Variants in PLCE1 observed in about 807,000 individuals in gnomAD.
The protein encoded by PLCE1 is phospholipase C epsilon 1.
PLCE1 carries 119 observed loss-of-function variants against 242.8 expected under a neutral mutation model. The observed-to-expected ratio is 0.49, with a 90% confidence interval of 0.42 to 0.57. The LOEUF is 0.57. Ranked by LOEUF, PLCE1 falls within the 20% of genes least tolerant of loss-of-function variation. PLCE1 has a pLI of 0.00. For synonymous variants in PLCE1, 945 were observed against 1,017.4 expected (o/e 0.93, Z 1.35); for missense variants, 2,441 against 2,788.8 (o/e 0.88, Z 2.81).
chr10:94,222,845 C>G (rs955992047), intron 4 of PLCE1, among the ~76,000 whole-genome samples: 8 of 152,158 alleles, frequency 5.3e-5, no homozygotes, highest in African/African-American at 1.9e-4. Context: ...GATAAACAGC[C>G]CTTGCAGACC....
rs180804787 is a variant in PLCE1, at chr10:94,021,037, G to A, written c.-364-9646G>A. On this transcript the variant is annotated intron_variant, in intron 1 of 32. Transcript: ENST00000371380. ...GTAGAGATGGGGTTTCACTATGTTG[G>A]CCAGGCTGGTCTTGAACTCCTGGCC... Among the ~76,000 whole-genome samples the A allele has an allele frequency of 1.4e-3, 218 of 152,048 alleles. 1 individual carries two copies. Among genetic ancestry groups the A allele is most frequent in the African/African-American group, 5.1e-3 (210 of 41,482 alleles).
chr10:94,018,528 A>C (rs2061321522), intron 1 of PLCE1, among the ~76,000 whole-genome samples: 2 of 152,170 alleles, frequency 1.3e-5, no homozygotes, highest in South Asian at 4.1e-4. Context: ...TCTACAGACT[A>C]TGACATTCTC....
At chr10:94,161,249 C>G (rs1286252796) in intron 3 of PLCE1, among the ~76,000 whole-genome samples, 1 of 152,158 alleles carries the variant, frequency 6.6e-6, no homozygotes, top group Non-Finnish European at 1.5e-5. Context: ...TTACCTTGGG[C>G]AGTATGGCCA....
At position 94,032,197 on chromosome 10, in the gene PLCE1, C is replaced by T. The variant is rs1394676351; in HGVS notation, c.1151C>T (p.Thr384Ile). ...GGGAGAGTAATGGAACCCCCGTCAA[C>T]AGTGGAGATAAGGCAAGATGGGAGC... ...PCGRVMEPPS[T>I]VEIRQDGSQR... The change falls in exon 2 of 33, where the codon ACA becomes ATA. Residue 384 changes from threonine to isoleucine, a missense_variant. Thr to Ile is a moderately conservative substitution (Grantham distance 89). Around this residue, in one of 5 missense-constraint regions of PLCE1, gnomAD observed 733 missense variants for 754.2 expected, o/e 0.97. Coordinates refer to ENST00000371380, the MANE Select transcript of PLCE1 (RefSeq NM_016341.4). 8.1e-6 allele frequency: 13 copies of T among 1,612,858 alleles called. No homozygotes were observed. Among genetic ancestry groups the T allele is most frequent in the Non-Finnish European group, 1.1e-5 (13 of 1,179,526 alleles).
At chr10:94,019,604 G>A (rs2061341767) in intron 1 of PLCE1, among the ~76,000 whole-genome samples, 2 of 152,106 alleles carry the variant, frequency 1.3e-5, no homozygotes, top group African/African-American at 4.8e-5. Flanking sequence ...TGTCCAATAT[G>A]TTTGCCACTA....
intron 2 of PLCE1, among the ~76,000 whole-genome samples, chr10:94,102,749 G>C (rs1370014062): frequency 6.6e-6 from 1 of 152,130 alleles, no homozygotes; most frequent in Non-Finnish European, 1.5e-5. Context: ...TCCTCATCCT[G>C]GTGCCACGAC....
At chr10:94,082,530 C>A (rs1282539248) in intron 2 of PLCE1, among the ~76,000 whole-genome samples, 1 of 152,200 alleles carries the variant, frequency 6.6e-6, no homozygotes, top group African/African-American at 2.4e-5. Context: ...GGTGGGAGTG[C>A]ACCTCATGTG....
chr10:94,252,477 AAAG>A lies in PLCE1; in HGVS notation c.3264_3266del (p.Lys1089del), dbSNP rs2050913501. Reference sequence around the variant, plus strand: ...CCCTGGGCATAAGCACTACCAAGAAAAAGAAGAAAATCCTCATGAGGGTAGAGT... The same window carrying A: ...CCCTGGGCATAAGCACTACCAAGAAAAAGAAAATCCTCATGAGGGTAGAGT... On this transcript the variant is annotated inframe_deletion, in exon 9 of 33. Transcript: ENST00000371380. 1 of 1,613,706 alleles carries A rather than the reference AAAG, an allele frequency of 6.2e-7. No individual in the cohort carries two copies. The highest frequency in any genetic ancestry group is 1.7e-5 in the Admixed American group (1 of 59,970).
chr10:94,067,250 T>C (rs1248838527), intron 2 of PLCE1, among the ~76,000 whole-genome samples: 1 of 152,178 alleles, frequency 6.6e-6, no homozygotes, highest in Non-Finnish European at 1.5e-5. Flanking sequence ...AAGGACTTCT[T>C]ATTTAAATAT....
At chr10:94,134,482 C>T (rs1220903646) in intron 3 of PLCE1, among the ~76,000 whole-genome samples, 1 of 152,188 alleles carries the variant, frequency 6.6e-6, no homozygotes, top group Non-Finnish European at 1.5e-5. Flanking sequence ...ATGGGTTTCT[C>T]ACCACAAACA....
At chr10:94,258,699 C>A in intron 11 of PLCE1, 101 bp from the exon 12 acceptor site, 1 of 1,383,646 alleles carries the variant, frequency 7.2e-7, no homozygotes, top group Non-Finnish European at 1.0e-6. Flanking sequence ...ATAACTTGCA[C>A]TCATCCTTTT....
chr10:94,311,794 C>T (rs992734451), intron 27 of PLCE1, among the ~76,000 whole-genome samples: 3 of 152,164 alleles, frequency 2.0e-5, no homozygotes, highest in Non-Finnish European at 2.9e-5. Context: ...GATCATGTCA[C>T]TCCTCTGTGG....
At chr10:94,091,684 A>C (rs2045081445) in intron 2 of PLCE1, among the ~76,000 whole-genome samples, 1 of 152,194 alleles carries the variant, frequency 6.6e-6, no homozygotes, top group South Asian at 2.1e-4. Context: ...GTATTAGAGT[A>C]GTGAAGAAAT....
chr10:94,312,632 A>G (rs929761600), intron 27 of PLCE1, among the ~76,000 whole-genome samples: 5 of 152,174 alleles, frequency 3.3e-5, no homozygotes, highest in Non-Finnish European at 7.3e-5. Flanking sequence ...ACAACTGCCT[A>G]CTTTCCCCTC....
At position 94,212,939 on chromosome 10, in the gene PLCE1, G is replaced by A. The variant is rs565473928; in HGVS notation, c.1810-14367G>A. Reference sequence around the variant, plus strand: ...GATTTCAAAATCAAATGCTGCAGAGGGTTGCCGCATATGAATAAGCAGGCC... The same window carrying A: ...GATTTCAAAATCAAATGCTGCAGAGAGTTGCCGCATATGAATAAGCAGGCC... On this transcript the variant is annotated intron_variant, in intron 4 of 32. Transcript: ENST00000371380. 2.6e-5 allele frequency among the ~76,000 whole-genome samples: 4 copies of A among 152,290 alleles called. No homozygotes were observed. The South Asian group carries it at 8.3e-4, about 32-fold the overall frequency.
At chr10:94,075,782 A>G (rs963428048) in intron 2 of PLCE1, among the ~76,000 whole-genome samples, 1 of 152,244 alleles carries the variant, frequency 6.6e-6, no homozygotes, top group Non-Finnish European at 1.5e-5. Flanking sequence ...GGTCACATTC[A>G]GAATGCGTTC....
chr10:94,167,978 C>T lies in PLCE1; in HGVS notation c.1493-3202C>T, dbSNP rs1233573371. Among the ~76,000 whole-genome samples, 9 of 152,128 alleles carry T rather than the reference C, an allele frequency of 5.9e-5. No individual in the cohort carries two copies. The South Asian group carries it at 6.2e-4, about 11-fold the overall frequency. On this transcript the variant is annotated intron_variant, in intron 3 of 32. Coordinates refer to ENST00000371380, the MANE Select transcript of PLCE1 (RefSeq NM_016341.4). ...CTGGAATTACAAGAGTGAGCCACTG[C>T]GCCCGACCTAGAATGACTATTAACT...
At chr10:94,089,263 C>T (rs374165573) in intron 2 of PLCE1, 190 of 1,613,888 alleles carry the variant, frequency 1.2e-4, no homozygotes, top group Admixed American at 5.0e-4. Flanking sequence ...TCAGCTGTGG[C>T]TTTGCACGCT....
chr10:94,185,060 G>C (rs965119609), intron 4 of PLCE1, among the ~76,000 whole-genome samples: 7 of 152,180 alleles, frequency 4.6e-5, no homozygotes, highest in Admixed American at 4.6e-4. Flanking sequence ...TTACAATCTA[G>C]TTCAAGGCAT....
Sources: allele counts gnomAD v4.1 joint callset (sites outside exome capture counted in the v4.1 genomes callset), GRCh38; gene constraint gnomAD v4.1.1; regional missense constraint gnomAD v4.1.1; transcripts MANE v1.5; gene names NCBI Gene and HGNC (gene_info 2026-07-23, HGNC 2026-07-21).